CA5A: variants seen among roughly 807,000 people sequenced by gnomAD.
The protein encoded by CA5A is carbonic anhydrase 5A, also known as carbonic anhydrase 5A, mitochondrial.
Under a neutral mutation model 37.1 loss-of-function variants are expected in CA5A, and 28 were observed. The ratio of observed to expected loss-of-function variants is 0.75; its 90% CI spans 0.56 to 1.03. The LOEUF (loss-of-function observed/expected upper bound fraction) is 1.03, where lower values mean the gene tolerates loss of function less well. Among genes scored for constraint, CA5A ranks in the 50% least tolerant of loss-of-function variants. CA5A has a pLI of 0.00. For synonymous variants in CA5A, 171 were observed against 158.4 expected, an observed-to-expected ratio of 1.08 and a Z score of -0.60; for missense variants, 444 against 399.9, an observed-to-expected ratio of 1.11 and a Z score of -0.94.
rs150651998 is a variant in CA5A at position 87,915,456 on chromosome 16, G to A, written c.341-10552C>T. On this transcript the variant is annotated intron_variant, in intron 2 of 6. Transcript: ENST00000649794. ...AGGCTAAGGTGAGAGGGTGGTTTGAGCTCAGGAGAAGCTTGCAGTGAGCCC... is the reference window on the plus strand; with the variant it reads ...AGGCTAAGGTGAGAGGGTGGTTTGAACTCAGGAGAAGCTTGCAGTGAGCCC... Among the ~76,000 whole-genome samples the A allele has an allele frequency of 2.0e-3, 311 of 151,768 alleles. 3 individuals are homozygous for A. Among genetic ancestry groups the A allele is most frequent in the African/African-American group, 7.2e-3 (297 of 41,398 alleles).
Position 87,911,117 on chromosome 16 carries a change from A to G in CA5A, c.341-6213T>C, listed in dbSNP as rs898694519. On this transcript the variant is annotated intron_variant, in intron 2 of 6. Coordinates refer to ENST00000649794, the MANE Select transcript of CA5A (RefSeq NM_001739.2). The surrounding 1 kb of genome is among the most constrained non-coding windows in gnomAD (Gnocchi z 4.6). ...CCTTAATCAAAAAAAAAAAAAAAAA[A>G]AAAGGCAAGCCCAATTCACGAAAAG... Among the ~76,000 whole-genome samples the G allele has an allele frequency of 3.3e-5, 5 of 150,918 alleles. No individual in the cohort carries two copies. Among genetic ancestry groups the G allele is most frequent in the African/African-American group, 1.2e-4 (5 of 40,948 alleles).
At chr16:87,891,350 C>A (rs946856207) in intron 6 of CA5A, among the ~76,000 whole-genome samples, 3 of 151,672 alleles carry the variant, frequency 2.0e-5, no homozygotes, top group Non-Finnish European at 4.4e-5. Context: ...TGCCTGTAAT[C>A]CCAGCTATTT....
At chr16:87,884,572 A>AAAG (rs2055633929), downstream of CA5A, 1 of 151,458 alleles carries the variant, frequency 6.6e-6, no homozygotes, top group African/African-American at 2.4e-5. Context: ...TGTCTCAAAA[A>AAAG]AAAAAAAAAA....
intron 2 of CA5A, among the ~76,000 whole-genome samples, chr16:87,916,323 A>G (rs2056143086): frequency 6.6e-6 from 1 of 152,108 alleles, no homozygotes; most frequent in South Asian, 2.1e-4. Flanking sequence ...TTTACACTAC[A>G]CTACATTTTT....
intron 2 of CA5A, among the ~76,000 whole-genome samples, chr16:87,907,370 C>A (rs2055979388): frequency 6.6e-6 from 1 of 152,200 alleles, no homozygotes; most frequent in Non-Finnish European, 1.5e-5. Flanking sequence ...AGCCGACCAG[C>A]CCCAGCAGCA....
chr16:87,892,975 T>C (rs929555829), intron 5 of CA5A: 39 of 1,085,086 alleles, frequency 3.6e-5, no homozygotes, highest in Non-Finnish European at 5.1e-5. Flanking sequence ...GAGGGAGTCA[T>C]GGTGGCCAAG....
intron 2 of CA5A, among the ~76,000 whole-genome samples, chr16:87,905,545 G>C (rs547141374): frequency 1.3e-5 from 2 of 152,260 alleles, no homozygotes; most frequent in Admixed American, 1.3e-4. Flanking sequence ...TTTAAGTAGA[G>C]ACGGGGTTTC....
intron 5 of CA5A, among the ~76,000 whole-genome samples, chr16:87,892,433 C>T (rs537752188): frequency 6.7e-6 from 1 of 149,704 alleles, no homozygotes; most frequent in Admixed American, 6.7e-5. Flanking sequence ...TCGCTTGAGC[C>T]CAGGAGGCAG....
At chr16:87,913,375 T>G (rs1207390416) in intron 2 of CA5A, among the ~76,000 whole-genome samples, 2 of 149,452 alleles carry the variant, frequency 1.3e-5, no homozygotes, top group African/African-American at 2.5e-5. Flanking sequence ...TGATCATGCC[T>G]CACTGCAGCC....
At chr16:87,924,752 C>T (rs1056233875) in intron 2 of CA5A, among the ~76,000 whole-genome samples, 16 of 152,244 alleles carry the variant, frequency 1.1e-4, no homozygotes, top group African/African-American at 3.6e-4. Flanking sequence ...GCATGCACAG[C>T]GAGAGGGCAT....
chr16:87,899,698 T>G (rs1336248746), intron 5 of CA5A, among the ~76,000 whole-genome samples: 1 of 149,916 alleles, frequency 6.7e-6, no homozygotes, highest in African/African-American at 2.4e-5. Context: ...GGTGGGCAGA[T>G]CACTTGAGGT....
At chr16:87,893,291 C>G (rs963162423) in intron 5 of CA5A, 17 of 364,274 alleles carry the variant, frequency 4.7e-5, no homozygotes, top group African/African-American at 3.6e-4. Context: ...TCGCGACCAG[C>G]TAATTTTTTA....
chr16:87,918,898 A>G (rs2056192383), intron 2 of CA5A, among the ~76,000 whole-genome samples: 1 of 152,216 alleles, frequency 6.6e-6, no homozygotes, highest in African/African-American at 2.4e-5. Flanking sequence ...TGGGCTGCAG[A>G]GACGGGGAGG....
At chr16:87,900,492 G>T (rs963538014) in intron 5 of CA5A, among the ~76,000 whole-genome samples, 1 of 152,266 alleles carries the variant, frequency 6.6e-6, no homozygotes, top group African/African-American at 2.4e-5. Context: ...GTTAACACAG[G>T]TTGAAGCCTC....
chr16:87,897,172 C>A (rs192744101), intron 5 of CA5A, among the ~76,000 whole-genome samples: 1 of 152,256 alleles, frequency 6.6e-6, no homozygotes, highest in African/African-American at 2.4e-5. Context: ...GGGCACAGAG[C>A]CGTTCCCTGG....
intron 2 of CA5A, among the ~76,000 whole-genome samples, chr16:87,914,807 T>C (rs2056109631): frequency 1.3e-5 from 2 of 152,014 alleles, no homozygotes; most frequent in Admixed American, 1.3e-4. Flanking sequence ...CGGGCCACCG[T>C]CCCCTAAGTG....
At chr16:87,914,584 G>T (rs1262897786) in intron 2 of CA5A, among the ~76,000 whole-genome samples, 2 of 152,184 alleles carry the variant, frequency 1.3e-5, no homozygotes, top group Admixed American at 6.5e-5. Flanking sequence ...GCCCCTGCAG[G>T]GGAGCAACGC....
chr16:87,918,072 G>C (rs1238356055), intron 2 of CA5A, among the ~76,000 whole-genome samples: 2 of 152,230 alleles, frequency 1.3e-5, no homozygotes, highest in African/African-American at 2.4e-5. Flanking sequence ...TGCCCCACTA[G>C]AGGAGCCAAG....
intron 1 of CA5A, among the ~76,000 whole-genome samples, chr16:87,934,955 G>A (rs1160345704): frequency 6.6e-6 from 1 of 152,238 alleles, no homozygotes; most frequent in Non-Finnish European, 1.5e-5. Context: ...ACCCCAACAG[G>A]AGGAATGAGT....
Sources: allele counts gnomAD v4.1 joint callset (sites outside exome capture counted in the v4.1 genomes callset), GRCh38; gene constraint gnomAD v4.1.1; non-coding constraint Gnocchi (gnomAD v3.1); transcripts MANE v1.5; gene names NCBI Gene and HGNC (gene_info 2026-07-23, HGNC 2026-07-21).